Variants in FBXW11 observed in about 807,000 individuals in gnomAD.
FBXW11 encodes the protein F-box/WD repeat-containing protein 11.
In FBXW11, 19 loss-of-function variants were observed where a neutral mutation model predicts 77.6. The observed-to-expected ratio is 0.24, with a 90% CI of 0.17 to 0.36. FBXW11 has a LOEUF of 0.36. Ranked by LOEUF, FBXW11 falls within the 10% of genes least tolerant of loss-of-function variation. FBXW11 has a pLI of 1.00. For synonymous variants in FBXW11, 235 were observed against 249.4 expected (o/e 0.94, Z 0.54); for missense variants, 334 against 704.2 (o/e 0.47, Z 5.95).
chr5:171,929,644 G>C (rs1366433924), intron 2 of FBXW11, among the ~76,000 whole-genome samples: 1 of 152,048 alleles, frequency 6.6e-6, no homozygotes, highest in East Asian at 1.9e-4. Flanking sequence ...GAGGTCAGGA[G>C]ATCGAGACCA....
chr5:171,878,553 A>AGAGTGTGTGTGT (rs879378029), intron 7 of FBXW11, among the ~76,000 whole-genome samples: 37 of 105,486 alleles, frequency 3.5e-4, no homozygotes, highest in Admixed American at 1.3e-3. Context: ...TCTCCATAAG[A>AGAGTGTGTGTGT]GTGTGTGAGT....
chr5:171,930,758 A>T (rs571673869), intron 2 of FBXW11, among the ~76,000 whole-genome samples: 1,678 of 66,458 alleles, frequency 0.025, 11 homozygotes, highest in Non-Finnish European at 0.037. Context: ...AAAAAATAAA[A>T]AAATAAAAAA....
At chr5:171,890,694 A>G (rs1340453341) in intron 7 of FBXW11, among the ~76,000 whole-genome samples, 1 of 152,214 alleles carries the variant, frequency 6.6e-6, no homozygotes, top group Non-Finnish European at 1.5e-5. Flanking sequence ...AGCTTTATTC[A>G]TAATTGTCAG....
intron 7 of FBXW11, among the ~76,000 whole-genome samples, chr5:171,880,799 C>A (rs1258031228): frequency 6.6e-6 from 1 of 152,162 alleles, no homozygotes; most frequent in Admixed American, 6.5e-5. Context: ...CAAGTTCAAG[C>A]TATTGTCCTG....
At chr5:171,914,913 C>A (rs2113954733) in intron 2 of FBXW11, among the ~76,000 whole-genome samples, 1 of 152,330 alleles carries the variant, frequency 6.6e-6, no homozygotes, top group African/African-American at 2.4e-5. Context: ...TGCTAGCAAG[C>A]ATAGCGGGTG....
chr5:171,937,691 G>T (rs1320761975), intron 2 of FBXW11, among the ~76,000 whole-genome samples: 1 of 151,900 alleles, frequency 6.6e-6, no homozygotes, highest in African/African-American at 2.4e-5. Flanking sequence ...AGCCAGGCAT[G>T]GTGGCACACG....
At chr5:171,967,826 C>T (rs1341074001) in intron 1 of FBXW11, among the ~76,000 whole-genome samples, 7 of 127,810 alleles carry the variant, frequency 5.5e-5, no homozygotes, top group East Asian at 2.2e-4. Flanking sequence ...GCAACAAGAG[C>T]GAGACTCTGT....
intron 1 of FBXW11, among the ~76,000 whole-genome samples, chr5:171,982,753 G>A (rs1366724504): frequency 6.6e-6 from 1 of 152,060 alleles, no homozygotes; most frequent in African/African-American, 2.4e-5. Context: ...TTGTTATAAT[G>A]TTAGGTAAGT....
intron 13 of FBXW11, among the ~76,000 whole-genome samples, 156 bp downstream of exon 13, chr5:171,868,454 T>A (rs1314667308): frequency 6.6e-6 from 1 of 152,120 alleles, no homozygotes; most frequent in African/African-American, 2.4e-5. Context: ...TGGATGTGAC[T>A]ATAAAGATCC....
chr5:171,889,286 G>A (rs1233941806), intron 7 of FBXW11, among the ~76,000 whole-genome samples: 2 of 152,172 alleles, frequency 1.3e-5, no homozygotes, highest in South Asian at 2.1e-4. Flanking sequence ...TCAGCACTTT[G>A]GGAGGCCAAG....
At chr5:171,884,028 A>C (rs1758711140) in intron 7 of FBXW11, among the ~76,000 whole-genome samples, 1 of 152,044 alleles carries the variant, frequency 6.6e-6, no homozygotes, top group African/African-American at 2.4e-5. Context: ...GCTGTGCAAA[A>C]GCTCTTTAGT....
At chr5:171,874,244 G>GC (rs1288154519) in intron 9 of FBXW11, among the ~76,000 whole-genome samples, 1 of 152,088 alleles carries the variant, frequency 6.6e-6, no homozygotes, top group East Asian at 1.9e-4. Context: ...TACACAAATG[G>GC]CCAATAAGCA....
chr5:172,005,270 C>T (rs1440306862), intron 1 of FBXW11, among the ~76,000 whole-genome samples: 1 of 152,178 alleles, frequency 6.6e-6, no homozygotes, highest in Non-Finnish European at 1.5e-5. Context: ...CCTCTCAACC[C>T]TGGGGAAGAA....
chr5:171,966,675 G>C (rs1764206844), intron 1 of FBXW11, among the ~76,000 whole-genome samples: 1 of 152,192 alleles, frequency 6.6e-6, no homozygotes, highest in Non-Finnish European at 1.5e-5. Flanking sequence ...TGAGCCTGGA[G>C]ATAATTTAAC....
chr5:171,944,574 C>CA (rs34106047), intron 2 of FBXW11, among the ~76,000 whole-genome samples: 65,111 of 80,616 alleles, frequency 0.81, 27,115 homozygotes, highest in South Asian at 0.92. Context: ...GACTCCATCT[C>CA]AAAAAAAAAA....
At chr5:171,875,036 T>C (rs1757987635) in intron 9 of FBXW11, among the ~76,000 whole-genome samples, 1 of 152,098 alleles carries the variant, frequency 6.6e-6, no homozygotes, top group African/African-American at 2.4e-5. Context: ...ACAGCATCAT[T>C]TGTAATAGTC....
In FBXW11 at chr5:171,910,755, G is replaced by T; in HGVS notation, c.253C>A (p.Pro85Thr). Residue 85 changes from proline (P) to threonine (T), a missense_variant, in exon 4 of 14, where the codon CCA (proline) becomes ACA (threonine). Pro to Thr is a conservative substitution (Grantham distance 38, BLOSUM62 -1). This residue lies in a region of FBXW11 where 80 missense variants were observed against 105.1 expected (regional missense o/e 0.76). Coordinates refer to ENST00000517395, the MANE Select transcript of FBXW11 (RefSeq NM_001378974.1). Reference sequence around the variant, plus strand: ...TCTTTTTGATAGTTTCCTTCTGATGGCCTCTTTCTGGAGACGATCACAGAT... The same window carrying T: ...TCTTTTTGATAGTTTCCTTCTGATGTCCTCTTTCTGGAGACGATCACAGAT... ...TSSVIVSRKR[P>T]SEGNYQKEKD... 6.2e-7 allele frequency: 1 copy of T among 1,611,334 alleles called. No individual in the cohort carries two copies. The highest frequency in any genetic ancestry group is 1.1e-5 in the South Asian group (1 of 90,640).
intron 13 of FBXW11, among the ~76,000 whole-genome samples, chr5:171,866,009 AT>A (rs1250377457): frequency 6.6e-6 from 1 of 152,210 alleles, no homozygotes; most frequent in East Asian, 1.9e-4. Context: ...TCACTCCTTT[AT>A]TCCCAGCACT....
chr5:171,867,104 T>G (rs1013388792), intron 13 of FBXW11, among the ~76,000 whole-genome samples: 5 of 152,208 alleles, frequency 3.3e-5, no homozygotes, highest in Non-Finnish European at 5.9e-5. Context: ...TGAGTTGGCA[T>G]GAAGAAAACA....
Sources: allele counts gnomAD v4.1 joint callset (sites outside exome capture counted in the v4.1 genomes callset), GRCh38; gene constraint gnomAD v4.1.1; regional missense constraint gnomAD v4.1.1; transcripts MANE v1.5; gene names NCBI Gene and HGNC (gene_info 2026-07-23, HGNC 2026-07-21).